The following SNAP25 variants were observed in gnomAD, a reference collection of about 807,000 sequenced individuals.
SNAP25 encodes synaptosomal-associated protein 25.
A neutral mutation model predicts 28.7 loss-of-function variants in SNAP25; 3 were observed. That is an observed-to-expected ratio of 0.10 (90% CI 0.05 to 0.27). SNAP25 has a LOEUF of 0.27. Among genes scored for constraint, SNAP25 ranks in the 10% least tolerant of loss-of-function variants. The probability of loss-of-function intolerance (pLI) is 1.00; values close to 1 mark genes in which losing one functional copy is unlikely to be tolerated. For missense variants in SNAP25, 117 were observed against 278.7 expected (o/e 0.42, Z 4.13); for synonymous variants, 61 against 88.1 (o/e 0.69, Z 1.72).
chr20:10,285,149 A>G (rs555555420), intron 4 of SNAP25, among the ~76,000 whole-genome samples: 18 of 152,324 alleles, frequency 1.2e-4, no homozygotes, highest in African/African-American at 4.3e-4. Flanking sequence ...ACGTAGATAG[A>G]ATGAGCGTAT....
intron 1 of SNAP25, among the ~76,000 whole-genome samples, chr20:10,274,205 T>C: frequency 6.6e-6 from 1 of 152,112 alleles, no homozygotes; most frequent in Non-Finnish European, 1.5e-5. Context: ...TTGTACCATG[T>C]GGGATTTCAA....
At chr20:10,282,159 GGATGGAAGGAAGGAAGGAA>G (rs1178384500) in intron 3 of SNAP25, among the ~76,000 whole-genome samples, 4 of 67,556 alleles carry the variant, frequency 5.9e-5, no homozygotes, top group Admixed American at 1.9e-4. Flanking sequence ...AAGGAAGGAA[GGATGGAAGGAAGGAAGGAA>G]GGAAGGAAGG....
At chr20:10,286,468 C>T (rs755010173) in intron 4 of SNAP25, among the ~76,000 whole-genome samples, 4 of 152,162 alleles carry the variant, frequency 2.6e-5, no homozygotes, top group Non-Finnish European at 4.4e-5. Context: ...AAGCCCTCGG[C>T]CAGGCCAATG....
At chr20:10,290,650 A>AG (rs1439304127) in intron 4 of SNAP25, among the ~76,000 whole-genome samples, 1 of 110,250 alleles carries the variant, frequency 9.1e-6, no homozygotes, top group African/African-American at 3.6e-5. Context: ...TTTTGGCCAA[A>AG]AAAAAAAAAA....
intron 2 of SNAP25, among the ~76,000 whole-genome samples, chr20:10,277,038 C>T (rs1366179217): frequency 6.6e-6 from 1 of 152,142 alleles, no homozygotes; most frequent in Non-Finnish European, 1.5e-5. Flanking sequence ...GGATTCTAGT[C>T]GTTTCAAAAG....
At chr20:10,251,310 G>A (rs571642018) in intron 1 of SNAP25, among the ~76,000 whole-genome samples, 44 of 152,176 alleles carry the variant, frequency 2.9e-4, no homozygotes, top group Admixed American at 5.9e-4. Context: ...ATGACATAGA[G>A]GCCAAAGTAG....
chr20:10,230,450 A>G (rs1001225052), intron 1 of SNAP25, among the ~76,000 whole-genome samples: 6 of 152,182 alleles, frequency 3.9e-5, no homozygotes, highest in African/African-American at 9.7e-5. Flanking sequence ...ACCTTCTACA[A>G]TCAATGATTC....
At chr20:10,241,086 C>T (rs996947605) in intron 1 of SNAP25, among the ~76,000 whole-genome samples, 1 of 151,892 alleles carries the variant, frequency 6.6e-6, no homozygotes, top group African/African-American at 2.4e-5. Flanking sequence ...AAGAGAGGCC[C>T]AGTGTGAACT....
chr20:10,267,446 A>C (rs940936280), intron 1 of SNAP25, among the ~76,000 whole-genome samples: 4 of 152,224 alleles, frequency 2.6e-5, no homozygotes, highest in African/African-American at 9.6e-5. Context: ...GATGATAAAC[A>C]ATAATGAAAA....
chr20:10,299,150 AT>A, intron 6 of SNAP25, 117 bp from the exon 7 acceptor site: 1 of 1,175,812 alleles, frequency 8.5e-7, no homozygotes, highest in Non-Finnish European at 1.2e-6. Context: ...CTGGATGGAG[AT>A]TAAAGATAGA....
intron 1 of SNAP25, among the ~76,000 whole-genome samples, chr20:10,263,189 T>C (rs1480208914): frequency 6.6e-6 from 1 of 151,860 alleles, no homozygotes; most frequent in Non-Finnish European, 1.5e-5. Context: ...CGGCTAATTT[T>C]TTTGTATTTT....
chr20:10,282,212 G>GGA (rs1180915914), intron 3 of SNAP25, among the ~76,000 whole-genome samples: 1 of 145,486 alleles, frequency 6.9e-6, no homozygotes, highest in African/African-American at 2.6e-5. Flanking sequence ...AGGAAGGAAG[G>GGA]AAGGAAGGAA....
chr20:10,276,152 G>T (rs929075622), intron 2 of SNAP25, among the ~76,000 whole-genome samples: 1 of 152,132 alleles, frequency 6.6e-6, no homozygotes, highest in African/African-American at 2.4e-5. Context: ...TGAAGTTGTA[G>T]CTTAAAATCA....
At chr20:10,245,999 C>G (rs1223996808) in intron 1 of SNAP25, among the ~76,000 whole-genome samples, 1 of 152,190 alleles carries the variant, frequency 6.6e-6, no homozygotes, top group East Asian at 1.9e-4. Context: ...AGCTGTGTGC[C>G]CTTCAGCCCA....
At chr20:10,220,864 A>T (rs1336959346) in intron 1 of SNAP25, among the ~76,000 whole-genome samples, 1 of 152,246 alleles carries the variant, frequency 6.6e-6, no homozygotes, top group African/African-American at 2.4e-5. Context: ...CCCTGTCCAT[A>T]TACAGAAGGT....
At chr20:10,257,070 C>G (rs1205899910) in intron 1 of SNAP25, among the ~76,000 whole-genome samples, 1 of 152,094 alleles carries the variant, frequency 6.6e-6, no homozygotes, top group African/African-American at 2.4e-5. Context: ...TTTAAATATA[C>G]TGCATCCTGG....
rs974116817 is a variant in SNAP25, at chr20:10,293,400, C to A, written c.281+122C>A. On this transcript the variant is annotated intron_variant, in intron 5 of 7. Transcript: ENST00000254976. This position sits in a 1 kb window ranked among gnomAD's most constrained non-coding sequence, Gnocchi z 5.6. ...ATGTGGCATGCAGAACAGATCAATA[C>A]CGTCTCCAATGCATTCATCTCATAG... is the stretch of plus-strand genomic sequence containing the variant. 7.1e-6 allele frequency: 5 copies of A among 701,560 alleles called. 1 individual carries two copies. Among genetic ancestry groups the A allele is most frequent in the Non-Finnish European group, 1.3e-5 (5 of 396,146 alleles). 43.5% of individuals were successfully genotyped at this position (701,560 alleles called of 1,614,324 possible).
At chr20:10,277,430 A>T (rs2063709533) in intron 2 of SNAP25, among the ~76,000 whole-genome samples, 1 of 152,208 alleles carries the variant, frequency 6.6e-6, no homozygotes, top group Non-Finnish European at 1.5e-5. Flanking sequence ...CTTTGATATC[A>T]AGATCAGCTT....
At chr20:10,243,895 A>G (rs2063079575) in intron 1 of SNAP25, among the ~76,000 whole-genome samples, 1 of 152,032 alleles carries the variant, frequency 6.6e-6, no homozygotes, top group African/African-American at 2.4e-5. Context: ...TATGAGACAC[A>G]TTTTTATGGC....
Sources: allele counts gnomAD v4.1 joint callset (sites outside exome capture counted in the v4.1 genomes callset), GRCh38; gene constraint gnomAD v4.1.1; non-coding constraint Gnocchi (gnomAD v3.1); transcripts MANE v1.5; gene names NCBI Gene and HGNC (gene_info 2026-07-23, HGNC 2026-07-21).